UTRN: variants seen among roughly 807,000 people sequenced by gnomAD.
The protein encoded by UTRN is utrophin.
UTRN carries 283 observed loss-of-function variants against 463.9 expected under a neutral mutation model. The ratio of observed to expected loss-of-function variants is 0.61; its 90% CI spans 0.55 to 0.67. The LOEUF is 0.67. UTRN is among the 30% of genes least tolerant of loss of function. The pLI, the probability that UTRN is intolerant of heterozygous loss-of-function variation, is 0.00. For synonymous variants in UTRN, 1,442 were observed against 1,431.5 expected (o/e 1.01, Z -0.17); for missense variants, 3,922 against 4,084.3 (o/e 0.96, Z 1.08).
intron 37 of UTRN, among the ~76,000 whole-genome samples, chr6:144,515,772 A>C (rs1001967926): frequency 1.3e-5 from 2 of 152,230 alleles, no homozygotes; most frequent in African/African-American, 4.8e-5. Context: ...ACATTGAGAA[A>C]TATGCACTTC....
intron 51 of UTRN, among the ~76,000 whole-genome samples, chr6:144,582,849 G>T (rs1485774654): frequency 2.0e-5 from 3 of 152,124 alleles, no homozygotes. Context: ...TTTGGGCTGA[G>T]ATCTGTCTGG....
chr6:144,390,559 T>G (rs1273449053), intron 2 of UTRN, among the ~76,000 whole-genome samples: 1 of 152,194 alleles, frequency 6.6e-6, no homozygotes, highest in Non-Finnish European at 1.5e-5. Context: ...TTCAGTGGCA[T>G]CACAGCTCTG....
At chr6:144,377,166 T>A (rs937565250) in intron 2 of UTRN, among the ~76,000 whole-genome samples, 1 of 152,070 alleles carries the variant, frequency 6.6e-6, no homozygotes, top group Non-Finnish European at 1.5e-5. Context: ...GCCTCCCCAG[T>A]AGCTGAGATT....
intron 59 of UTRN, among the ~76,000 whole-genome samples, chr6:144,773,594 CA>C (rs1162844188): frequency 6.6e-6 from 1 of 152,134 alleles, no homozygotes; most frequent in Admixed American, 6.5e-5. Context: ...TCAGAAGACT[CA>C]AAGAAAACAG....
At chr6:144,534,072 C>A (rs996690678) in intron 43 of UTRN, among the ~76,000 whole-genome samples, 1 of 151,926 alleles carries the variant, frequency 6.6e-6, no homozygotes, top group African/African-American at 2.4e-5. Context: ...TTGTGAAAGG[C>A]CAATCTAATA....
chr6:144,836,076 A>T, intron 70 of UTRN, 138 bp downstream of exon 70: 2 of 1,429,466 alleles, frequency 1.4e-6, no homozygotes, highest in Non-Finnish European at 1.9e-6. Context: ...CTATTAACAA[A>T]CTGGGATGCT....
At chr6:144,413,890 A>T (rs924390259) in intron 3 of UTRN, among the ~76,000 whole-genome samples, 9 of 151,754 alleles carry the variant, frequency 5.9e-5, no homozygotes, top group Non-Finnish European at 1.5e-5. Flanking sequence ...TGCAACCTCT[A>T]CCTCCCCTGT....
rs775602986 is a variant in UTRN, at chr6:144,539,335, A to G, written c.6411A>G (p.Lys2137=). 1.7e-5 allele frequency: 27 copies of G among 1,612,778 alleles called. No individual in the cohort carries two copies. Among genetic ancestry groups the G allele is most frequent in the Non-Finnish European group, 2.1e-5 (25 of 1,179,570 alleles). The change falls in exon 45 of 75, where the codon AAA becomes AAG. Residue 2137 remains lysine, a synonymous_variant. Transcript: ENST00000367545. ...TGGAAGTACATGCTGAAAAACTCAA[A>G]TGGCTGAATAGAACTGAATTGGAGA... ...QEMEVHAEKL[K]WLNRTELEML... is the part of the protein sequence containing the mutation.
intron 3 of UTRN, among the ~76,000 whole-genome samples, chr6:144,406,352 T>C (rs1783399535): frequency 1.1e-5 from 1 of 88,882 alleles, no homozygotes; most frequent in Non-Finnish European, 2.4e-5. Context: ...TTTTTTTTTC[T>C]TTTCTTTTTT....
intron 2 of UTRN, among the ~76,000 whole-genome samples, chr6:144,299,114 T>A (rs770636810): frequency 2.6e-5 from 4 of 152,256 alleles, no homozygotes; most frequent in Non-Finnish European, 5.9e-5. Flanking sequence ...TTTATGCACA[T>A]GCTTTTATTT....
At chr6:144,774,268 A>G (rs549715793) in intron 59 of UTRN, 22 bp from the exon 60 acceptor site, 3 of 1,590,244 alleles carry the variant, frequency 1.9e-6, no homozygotes, top group East Asian at 4.5e-5. Flanking sequence ...CTATCTTCAA[A>G]TTGTTTCTTT....
At chr6:144,823,628 T>C (rs769346739) in intron 66 of UTRN, among the ~76,000 whole-genome samples, 1 of 152,058 alleles carries the variant, frequency 6.6e-6, no homozygotes. Context: ...TAAAAGGGAG[T>C]AAACAAATCC....
intron 28 of UTRN, 89 bp from the exon 29 acceptor site, chr6:144,487,459 C>T: frequency 2.3e-6 from 3 of 1,296,814 alleles, no homozygotes; most frequent in Non-Finnish European, 3.0e-6. Context: ...AATATAATTA[C>T]TTGTTTAACA....
intron 65 of UTRN, among the ~76,000 whole-genome samples, chr6:144,808,280 A>AT (rs11430968): frequency 0.43 from 64,813 of 151,254 alleles, 18,730 homozygotes; most frequent in African/African-American, 0.78. Flanking sequence ...AGAGTAGTCA[A>AT]TTTTTTTTTG....
intron 51 of UTRN, among the ~76,000 whole-genome samples, chr6:144,600,676 C>A (rs1445567498): frequency 1.3e-5 from 2 of 152,190 alleles, no homozygotes; most frequent in African/African-American, 2.4e-5. Context: ...TAATAAGCAG[C>A]AAATGCTGAT....
At position 144,685,595 on chromosome 6, in the gene UTRN, A is replaced by G. The variant is rs58567669; in HGVS notation, c.7652+7017A>G. On this transcript the variant is annotated intron_variant, in intron 52 of 74. Transcript: ENST00000367545. ...GGTGGTATCTCATTGTGGTTTTACC[A>G]GCATTTCCCTGAGGATTAGTGATAT... Among the ~76,000 whole-genome samples the G allele has an allele frequency of 3.0e-3, 450 of 152,240 alleles. 19 individuals carry two copies. In the East Asian group the frequency reaches 0.065, roughly 22 times the overall value.
At chr6:144,748,944 T>C (rs1193176204) in intron 55 of UTRN, among the ~76,000 whole-genome samples, 1 of 152,164 alleles carries the variant, frequency 6.6e-6, no homozygotes, top group Non-Finnish European at 1.5e-5. Flanking sequence ...CCATATGGTA[T>C]AGTCTCCAGG....
intron 2 of UTRN, among the ~76,000 whole-genome samples, chr6:144,379,544 C>G (rs766466656): frequency 6.6e-6 from 1 of 152,130 alleles, no homozygotes; most frequent in Non-Finnish European, 1.5e-5. Context: ...GTGAGCTTCT[C>G]TTAGAGTGAG....
chr6:144,477,352 T>G (rs7751734), intron 25 of UTRN, among the ~76,000 whole-genome samples: 6,286 of 152,266 alleles, frequency 0.041, 442 homozygotes, highest in African/African-American at 0.14. Context: ...TCAGAAAAAT[T>G]TATATTTGCA....
Sources: allele counts gnomAD v4.1 joint callset (sites outside exome capture counted in the v4.1 genomes callset), GRCh38; gene constraint gnomAD v4.1.1; transcripts MANE v1.5; gene names NCBI Gene and HGNC (gene_info 2026-07-23, HGNC 2026-07-21).